LRRC4C: variants seen among roughly 807,000 people sequenced by gnomAD.
LRRC4C encodes the protein leucine-rich repeat-containing protein 4C.
A neutral mutation model predicts 33.6 loss-of-function variants in LRRC4C; 5 were observed. The ratio of observed to expected loss-of-function variants is 0.15; its 90% confidence interval spans 0.08 to 0.31. The LOEUF (loss-of-function observed/expected upper bound fraction) is 0.31, where lower values mean the gene tolerates loss of function less well. LRRC4C is among the 10% of genes least tolerant of loss of function. The pLI is 1.00. For synonymous variants in LRRC4C, 329 were observed against 302.0 expected, an observed-to-expected ratio of 1.09 and a Z score of -0.93; for missense variants, 560 against 796.7, an observed-to-expected ratio of 0.70 and a Z score of 3.58.
chr11:40,880,843 T>A (rs1955138200), intron 2 of LRRC4C, among the ~76,000 whole-genome samples: 1 of 139,044 alleles, frequency 7.2e-6, no homozygotes, highest in African/African-American at 2.6e-5. Context: ...TAGACATGAG[T>A]GCAAATAAAA....
chr11:40,414,213 T>G (rs1457566696), intron 3 of LRRC4C, among the ~76,000 whole-genome samples: 1 of 152,048 alleles, frequency 6.6e-6, no homozygotes, highest in Non-Finnish European at 1.5e-5. Context: ...AATCGTGTTG[T>G]AAAAGAAAGA....
At chr11:41,048,238 G>A (rs1400767744) in intron 1 of LRRC4C, among the ~76,000 whole-genome samples, 3 of 143,784 alleles carry the variant, frequency 2.1e-5, no homozygotes, top group Non-Finnish European at 4.5e-5. Context: ...TCTGGAATAA[G>A]ATTTTCAGTT....
chr11:41,326,722 G>T (rs969715078), intron 1 of LRRC4C, among the ~76,000 whole-genome samples: 1 of 152,110 alleles, frequency 6.6e-6, no homozygotes, highest in African/African-American at 2.4e-5. Context: ...ATGTGAATGG[G>T]TGCACACACA....
At chr11:40,615,494 C>G (rs1367986710) in intron 3 of LRRC4C, among the ~76,000 whole-genome samples, 1 of 151,512 alleles carries the variant, frequency 6.6e-6, no homozygotes, top group Non-Finnish European at 1.5e-5. Flanking sequence ...TGCTTCATCA[C>G]AGTCCTATCC....
At chr11:40,288,421 C>T (rs1014424809) in intron 4 of LRRC4C, among the ~76,000 whole-genome samples, 20 of 152,166 alleles carry the variant, frequency 1.3e-4, no homozygotes, top group Non-Finnish European at 5.9e-5. Flanking sequence ...ATGGTTATCT[C>T]CCAAGCCTAA....
chr11:40,695,191 A>T (rs1945430890), intron 2 of LRRC4C, among the ~76,000 whole-genome samples: 1 of 152,220 alleles, frequency 6.6e-6, no homozygotes. Flanking sequence ...GTGATCAGGA[A>T]GATCCTGGTG....
intron 2 of LRRC4C, among the ~76,000 whole-genome samples, chr11:40,834,911 G>GACAGACAGACACACAC (rs748483585): frequency 0.013 from 1,116 of 84,874 alleles, 28 homozygotes; most frequent in Middle Eastern, 0.025. Flanking sequence ...CAGACAGACA[G>GACAGACAGACACACAC]ACACACACAC....
intron 3 of LRRC4C, among the ~76,000 whole-genome samples, chr11:40,432,665 C>T (rs1442763992): frequency 2.0e-5 from 3 of 152,126 alleles, no homozygotes; most frequent in Admixed American, 1.3e-4. Flanking sequence ...TTCATGTTAT[C>T]CCAGACTCTA....
chr11:40,284,877 G>A (rs1328081204), intron 4 of LRRC4C, among the ~76,000 whole-genome samples: 1 of 152,158 alleles, frequency 6.6e-6, no homozygotes, highest in African/African-American at 2.4e-5. Context: ...TATAGATGGA[G>A]TATTAAGTTT....
chr11:41,243,803 C>A (rs189915489), intron 1 of LRRC4C, among the ~76,000 whole-genome samples: 6 of 152,180 alleles, frequency 3.9e-5, no homozygotes, highest in African/African-American at 1.4e-4. Flanking sequence ...AACTTCTGGG[C>A]TCTACCTTTG....
At chr11:41,064,358 A>T (rs1938043542) in intron 1 of LRRC4C, among the ~76,000 whole-genome samples, 1 of 152,206 alleles carries the variant, frequency 6.6e-6, no homozygotes, top group Non-Finnish European at 1.5e-5. Context: ...TTCTGGTACA[A>T]CATGTGTCTT....
chr11:40,325,644 A>C (rs1350747790), intron 3 of LRRC4C, among the ~76,000 whole-genome samples: 1 of 152,048 alleles, frequency 6.6e-6, no homozygotes, highest in Non-Finnish European at 1.5e-5. Flanking sequence ...AAAAAAAAAA[A>C]GAAACCATAT....
intron 5 of LRRC4C, among the ~76,000 whole-genome samples, chr11:40,153,389 A>G (rs1320497104): frequency 6.6e-6 from 1 of 151,998 alleles, no homozygotes; most frequent in African/African-American, 2.4e-5. Context: ...GCTCTTCAAC[A>G]CCCCCTGAAA....
intron 1 of LRRC4C, among the ~76,000 whole-genome samples, chr11:41,356,562 T>A (rs1952168608): frequency 6.6e-6 from 1 of 152,130 alleles, no homozygotes; most frequent in Non-Finnish European, 1.5e-5. Context: ...CTCTTCTACA[T>A]TTTGGATCGT....
At chr11:40,949,140 G>T (rs538672406) in intron 1 of LRRC4C, among the ~76,000 whole-genome samples, 2 of 151,950 alleles carry the variant, frequency 1.3e-5, no homozygotes, top group South Asian at 4.1e-4. Flanking sequence ...ATTTTTTCAC[G>T]TGTTTTTTGG....
At chr11:41,144,273 C>G (rs1943636942) in intron 1 of LRRC4C, among the ~76,000 whole-genome samples, 1 of 152,080 alleles carries the variant, frequency 6.6e-6, no homozygotes, top group Admixed American at 6.6e-5. Context: ...AAGGTAGCCC[C>G]AAAGCAGTGA....
At chr11:40,964,784 G>T (rs1851224483) in intron 1 of LRRC4C, among the ~76,000 whole-genome samples, 1 of 151,626 alleles carries the variant, frequency 6.6e-6, no homozygotes, top group Non-Finnish European at 1.5e-5. Flanking sequence ...TGGACATTTG[G>T]GTTGGTTCCA....
At chr11:41,305,803 G>T (rs1185866375) in intron 1 of LRRC4C, among the ~76,000 whole-genome samples, 1 of 128,650 alleles carries the variant, frequency 7.8e-6, no homozygotes, top group Non-Finnish European at 1.7e-5. Context: ...GAAAACCAGA[G>T]ACCTTTGTTC....
chr11:41,245,895 C>T (rs1047031209), intron 1 of LRRC4C, among the ~76,000 whole-genome samples: 4 of 152,124 alleles, frequency 2.6e-5, no homozygotes, highest in South Asian at 4.1e-4. Context: ...GTTGTCTGCC[C>T]GAGTCTGGCT....
Sources: allele counts gnomAD v4.1 joint callset (sites outside exome capture counted in the v4.1 genomes callset), GRCh38; gene constraint gnomAD v4.1.1; transcripts MANE v1.5; gene names NCBI Gene and HGNC (gene_info 2026-07-23, HGNC 2026-07-21).